The following RPS6KC1 variants were observed in gnomAD, a reference collection of about 807,000 sequenced individuals.
RPS6KC1 encodes the protein ribosomal protein S6 kinase C1.
Under a neutral mutation model 103.8 loss-of-function variants are expected in RPS6KC1, and 54 were observed. The ratio of observed to expected loss-of-function variants is 0.52; its 90% confidence interval spans 0.42 to 0.65. RPS6KC1 has a LOEUF of 0.65. Among genes scored for constraint, RPS6KC1 ranks in the 30% least tolerant of loss-of-function variants. RPS6KC1 has a pLI of 0.00. For missense variants in RPS6KC1, 1,151 were observed against 1,253.8 expected, an observed-to-expected ratio of 0.92 and a Z score of 1.24; for synonymous variants, 439 against 438.7, an observed-to-expected ratio of 1.00 and a Z score of -0.01.
At chr1:213,387,356 C>T in the RPS6KC1 span, among the ~76,000 whole-genome samples, 1 of 152,248 alleles carries the variant, frequency 6.6e-6, no homozygotes, top group African/African-American at 2.4e-5. Flanking sequence ...TGCCTGACTT[C>T]CAATTGCCTG....
At chr1:213,376,084 C>CTGTGTGTGTG in the RPS6KC1 span, among the ~76,000 whole-genome samples, 20 of 140,336 alleles carry the variant, frequency 1.4e-4, no homozygotes, top group African/African-American at 4.7e-4. Flanking sequence ...CTCGTGACAA[C>CTGTGTGTGTG]TGTGTGTGTG....
chr1:213,583,387 T>A, the RPS6KC1 span, among the ~76,000 whole-genome samples: 1 of 152,112 alleles, frequency 6.6e-6, no homozygotes, highest in Non-Finnish European at 1.5e-5. Context: ...TGTAGGAGGG[T>A]TGAAGTTGCA....
the RPS6KC1 span, among the ~76,000 whole-genome samples, chr1:213,318,287 G>T: frequency 3.9e-5 from 6 of 152,220 alleles, no homozygotes; most frequent in Non-Finnish European, 7.3e-5. Context: ...TGTTAGCTTA[G>T]AATTAAATTA....
chr1:213,602,118 T>TTCTCTCTCTCTCTC, the RPS6KC1 span, among the ~76,000 whole-genome samples: 8 of 8,888 alleles, frequency 9.0e-4, no homozygotes, highest in African/African-American at 3.3e-3. Context: ...CTTTCTTTCT[T>TTCTCTCTCTCTCTC]TCTCTTTCTT....
chr1:213,479,637 CAAAA>C, the RPS6KC1 span, among the ~76,000 whole-genome samples: 7,543 of 151,782 alleles, frequency 0.05, 599 homozygotes, highest in African/African-American at 0.17. Context: ...AAATATGAAA[CAAAA>C]AGAACTGAAA....
the RPS6KC1 span, among the ~76,000 whole-genome samples, chr1:213,472,775 A>G: frequency 6.6e-6 from 1 of 152,252 alleles, no homozygotes; most frequent in Non-Finnish European, 1.5e-5. Flanking sequence ...TACACAATCT[A>G]ATAGAGAAAA....
chr1:213,209,364 G>A (rs2148656664), intron 8 of RPS6KC1, among the ~76,000 whole-genome samples: 1 of 152,218 alleles, frequency 6.6e-6, no homozygotes. Context: ...AAGAATTCCT[G>A]GTGAGTCCAC....
At chr1:213,144,902 C>T (rs2087551421) in intron 6 of RPS6KC1, among the ~76,000 whole-genome samples, 1 of 151,904 alleles carries the variant, frequency 6.6e-6, no homozygotes, top group African/African-American at 2.4e-5. Context: ...TGGTGAAAAC[C>T]CATCTCTACT....
the RPS6KC1 span, among the ~76,000 whole-genome samples, chr1:213,589,948 T>G: frequency 1.4e-5 from 2 of 144,194 alleles, no homozygotes; most frequent in Non-Finnish European, 3.0e-5. Flanking sequence ...GGTGTGTGTG[T>G]GTGTGTGTGT....
the RPS6KC1 span, among the ~76,000 whole-genome samples, chr1:213,791,833 G>T: frequency 6.6e-6 from 1 of 152,262 alleles, no homozygotes; most frequent in African/African-American, 2.4e-5. Context: ...TGATGTTCAA[G>T]TCAGGTCCCA....
At chr1:213,428,442 ATCCCTCCCTCCCTTCCTTCTTTCC>A in the RPS6KC1 span, among the ~76,000 whole-genome samples, 2 of 19,736 alleles carry the variant, frequency 1.0e-4, no homozygotes, top group Non-Finnish European at 1.8e-4. Context: ...CCCTCCCTCC[ATCCCTCCCTCCCTTCCTTCTTTCC>A]TCCCTCCCTC....
chr1:213,725,212 C>T, the RPS6KC1 span, among the ~76,000 whole-genome samples: 867 of 152,352 alleles, frequency 5.7e-3, 3 homozygotes, highest in Non-Finnish European at 9.8e-3. Context: ...GGATACGAGG[C>T]ATGCACTACT....
chr1:213,329,603 C>T, the RPS6KC1 span, among the ~76,000 whole-genome samples: 3 of 151,776 alleles, frequency 2.0e-5, no homozygotes, highest in Admixed American at 2.0e-4. Flanking sequence ...CCAAATAAGC[C>T]TCATATCCCT....
chr1:213,071,138 C>CT, intron 2 of RPS6KC1, 97 bp downstream of exon 2: 105 of 689,816 alleles, frequency 1.5e-4, no homozygotes, highest in East Asian at 2.0e-4. Flanking sequence ...ACATCAACCT[C>CT]TTTTTTTTGA....
chr1:213,548,690 G>C, the RPS6KC1 span, among the ~76,000 whole-genome samples: 1 of 152,056 alleles, frequency 6.6e-6, no homozygotes, highest in Non-Finnish European at 1.5e-5. Flanking sequence ...CAAAGAAATG[G>C]TTAATATAAA....
chr1:213,226,350 G>C (rs780907187), intron 8 of RPS6KC1, among the ~76,000 whole-genome samples: 30 of 152,248 alleles, frequency 2.0e-4, no homozygotes, highest in Admixed American at 1.4e-3. Context: ...GGAAGGCCAT[G>C]GTGCCTCCTT....
the RPS6KC1 span, among the ~76,000 whole-genome samples, chr1:213,747,133 C>T: frequency 2.6e-5 from 4 of 152,090 alleles, no homozygotes; most frequent in East Asian, 1.9e-4. Flanking sequence ...GACATTCCAA[C>T]ATTAAGAGTC....
chr1:213,368,073 G>A, the RPS6KC1 span, among the ~76,000 whole-genome samples: 1 of 152,226 alleles, frequency 6.6e-6, no homozygotes, highest in Non-Finnish European at 1.5e-5. Context: ...GGGAGTCTGA[G>A]ATGCAAACAA....
At chr1:213,547,337 T>G in the RPS6KC1 span, among the ~76,000 whole-genome samples, 1 of 152,230 alleles carries the variant, frequency 6.6e-6, no homozygotes, top group Non-Finnish European at 1.5e-5. Flanking sequence ...TCTAAATGCT[T>G]CTACCTAGAA....
Sources: gnomAD v4.1 joint callset for allele counts (sites outside exome capture counted in the v4.1 genomes callset) on GRCh38, gnomAD v4.1.1 for gene constraint, MANE v1.5 for transcripts, NCBI Gene and HGNC (gene_info 2026-07-23, HGNC 2026-07-21) for gene names.